The following RPL13 variants were observed in gnomAD, a reference collection of about 807,000 sequenced individuals.
The protein encoded by RPL13 is large ribosomal subunit protein eL13.
Under a neutral mutation model 21.4 loss-of-function variants are expected in RPL13, and 1 was observed. The observed-to-expected ratio is 0.05, with a 90% confidence interval of 0.02 to 0.22. The LOEUF (loss-of-function observed/expected upper bound fraction) is 0.22, where lower values mean the gene tolerates loss of function less well. Among genes scored for constraint, RPL13 ranks in the 10% least tolerant of loss-of-function variants. RPL13 has a pLI of 1.00. For missense variants in RPL13, 289 were observed against 303.0 expected (o/e 0.95, Z 0.34); for synonymous variants, 143 against 120.5 (o/e 1.19, Z -1.23).
At chr16:89,561,477 C>T in intron 3 of RPL13, 101 bp from the exon 4 acceptor site, 1 of 1,612,016 alleles carries the variant, frequency 6.2e-7, no homozygotes, top group South Asian at 1.1e-5. Context: ...GATGAAAGCA[C>T]ATTTGAACCC....
At chr16:89,562,048 C>A in intron 4 of RPL13, 1 of 587,652 alleles carries the variant, frequency 1.7e-6, no homozygotes, top group Non-Finnish European at 3.0e-6. Context: ...GATAAAGAGT[C>A]CATTGTATAC....
In RPL13 at chr16:89,561,769, TG is replaced by T; in HGVS notation, c.420+20del. On this transcript the variant is annotated intron_variant, in intron 4 of 5. Transcript: ENST00000311528. ...ACAGTTCTGTGAGTACACGGCTCTCTGGCCGTCCTGGTGCGCGGGGACAGTG... is the reference window on the plus strand; with the variant it reads ...ACAGTTCTGTGAGTACACGGCTCTCTGCCGTCCTGGTGCGCGGGGACAGTG... 6.2e-7 allele frequency: 1 copy of T among 1,607,546 alleles called. No individual in the cohort carries two copies.
Position 89,562,925 on chromosome 16 carries a change from G to A in RPL13, c.519G>A (p.Glu173=), listed in dbSNP as rs769601333. The change falls in exon 6 of 6, where the codon GAG becomes GAA. Residue 173 remains glutamate, a synonymous_variant. Coordinates refer to ENST00000311528, the MANE Select transcript of RPL13 (RefSeq NM_000977.4). ...KEKARVITEE[E]KNFKAFASLR... ...AAGCTCGAGTCATCACTGAGGAAGAGAAGAATTTCAAAGCCTTCGCTAGTC... is the reference window on the plus strand; with the variant it reads ...AAGCTCGAGTCATCACTGAGGAAGAAAAGAATTTCAAAGCCTTCGCTAGTC... 36 of 1,594,366 alleles carry A rather than the reference G, an allele frequency of 2.3e-5. No individual in the cohort carries two copies. Among genetic ancestry groups the A allele is most frequent in the Non-Finnish European group, 2.9e-5 (34 of 1,172,394 alleles).
intron 4 of RPL13, 32 bp downstream of exon 4, chr16:89,561,783 C>T (rs1209434215): frequency 5.0e-6 from 8 of 1,601,982 alleles, no homozygotes; most frequent in South Asian, 3.3e-5. Context: ...CGTCCTGGTG[C>T]GCGGGGACAG....
Position 89,560,995 on chromosome 16 carries a change from C to G in RPL13, c.36C>G (p.Pro12=). 1 of 1,607,762 alleles carries G rather than the reference C, an allele frequency of 6.2e-7. No homozygotes were observed. Among genetic ancestry groups the G allele is most frequent in the Non-Finnish European group, 8.5e-7 (1 of 1,178,432 alleles). The change falls in exon 2 of 6, where the codon CCC becomes CCG. Residue 12 remains proline, a synonymous_variant. Coordinates refer to ENST00000311528, the MANE Select transcript of RPL13 (RefSeq NM_000977.4). ...GCCGGAATGGCATGGTCTTGAAGCC[C>G]CACTTCCACAAGGACTGGCAGCGGC... ...APSRNGMVLK[P]HFHKDWQRRV... is the part of the protein sequence containing the mutation.
downstream of RPL13, chr16:89,566,711 G>A (rs781739940): frequency 5.9e-5 from 9 of 152,074 alleles, no homozygotes; most frequent in Admixed American, 2.0e-4. Flanking sequence ...GACCCTGGAA[G>A]ACGAGTGTGC....
chr16:89,560,895 C>A, intron 1 of RPL13, 45 bp from the exon 2 acceptor site: 1 of 1,442,642 alleles, frequency 6.9e-7, no homozygotes, highest in Non-Finnish European at 9.4e-7. Context: ...GGGGGGTGCG[C>A]GCGCCCGGGG....
Position 89,563,999 on chromosome 16 carries a change from T to C in RPL13, c.*957T>C, listed in dbSNP as rs912426416. ...AGTGCCAGGGTGCCCTGGTCTGAGC[T>C]GGCATCCCCATGTCTTCTGTGTCCG... is the stretch of plus-strand genomic sequence containing the variant. On this transcript the variant is annotated 3_prime_UTR_variant, in exon 6 of 6. Transcript: ENST00000311528. The C allele has an allele frequency of 6.6e-6, 1 of 152,234 alleles. No homozygotes were observed. Among genetic ancestry groups the C allele is most frequent in the Admixed American group, 6.5e-5 (1 of 15,284 alleles). The allele number at this position is 152,234 out of a possible 1,614,324, so 9.4% of individuals were successfully genotyped here.
At position 89,561,031 on chromosome 16, in the gene RPL13, G is replaced by A; in HGVS notation, c.72G>A (p.Thr24=). 3.1e-6 allele frequency: 5 copies of A among 1,606,828 alleles called. No individual in the cohort carries two copies. Among genetic ancestry groups the A allele is most frequent in the South Asian group, 1.1e-5 (1 of 90,258 alleles). The change falls in exon 2 of 6, where the codon ACG becomes ACA. Residue 24 remains threonine (T), a synonymous_variant. Transcript: ENST00000311528. The part of the protein sequence containing the change: ...FHKDWQRRVA[T]WFNQPARKIR... ...AGGACTGGCAGCGGCGCGTGGCCAC[G>A]TGGTTCAACCAGCCGGCCCGTAAGA...
At position 89,562,548 on chromosome 16, in the gene RPL13, T is replaced by C; in HGVS notation, c.477+157T>C. 3 of 671,856 alleles carry C rather than the reference T, an allele frequency of 4.5e-6. No individual in the cohort carries two copies. The South Asian group carries it at 6.4e-5, about 14-fold the overall frequency. 41.6% of individuals were successfully genotyped at this position (671,856 alleles called of 1,614,324 possible). ...GGAAAGGAACATTTCTTCTTAGTTT[T>C]TACTTCTTGCAACCATGAAGCCATA... On this transcript the variant is annotated intron_variant, in intron 5 of 5. Coordinates refer to ENST00000311528, the MANE Select transcript of RPL13 (RefSeq NM_000977.4).
At chr16:89,560,888 G>T in intron 1 of RPL13, 52 bp from the exon 2 acceptor site, 6 of 1,385,380 alleles carry the variant, frequency 4.3e-6, no homozygotes, top group South Asian at 1.3e-5. Flanking sequence ...AGGCCCGGGG[G>T]GGTGCGCGCG....
intron 4 of RPL13, chr16:89,562,123 CTGTCTCG>C (rs1215528298): frequency 1.6e-6 from 1 of 612,518 alleles, no homozygotes; most frequent in Non-Finnish European, 2.9e-6. Context: ...AGGTAGATAA[CTGTCTCG>C]TGCGTGTTGC....
At chr16:89,561,541 C>T (rs376241207) in intron 3 of RPL13, 37 bp from the exon 4 acceptor site, 3 of 1,613,056 alleles carry the variant, frequency 1.9e-6, no homozygotes, top group East Asian at 4.5e-5. Flanking sequence ...TGGAGAAAGC[C>T]CGGGCCTGTC....
At chr16:89,560,841 C>G (rs957905492) in intron 1 of RPL13, 99 bp from the exon 2 acceptor site, 12 of 745,138 alleles carry the variant, frequency 1.6e-5, no homozygotes, top group Non-Finnish European at 2.5e-5. Context: ...GGGCTCTAGG[C>G]GCGGCCGGAC....
At chr16:89,560,876 G>A (rs927637022) in intron 1 of RPL13, 64 bp from the exon 2 acceptor site, 14 of 1,247,312 alleles carry the variant, frequency 1.1e-5, no homozygotes, top group African/African-American at 3.1e-5. Context: ...GGTTCGGGGC[G>A]GAGGCCCGGG....
downstream of RPL13, chr16:89,566,335 A>ATCGGGGATATTCCCAGCAGGCGCTAG (rs1247416944): frequency 6.6e-6 from 1 of 152,192 alleles, no homozygotes; most frequent in African/African-American, 2.4e-5. Context: ...TGCCTCGGTG[A>ATCGGGGATATTCCCAGCAGGCGCTAG]TGCACCGTTT....
At chr16:89,562,044 G>A (rs1476114193) in intron 4 of RPL13, 2 of 588,940 alleles carry the variant, frequency 3.4e-6, no homozygotes, top group Non-Finnish European at 6.0e-6. Context: ...GGTTGATAAA[G>A]AGTCCATTGT....
At chr16:89,561,159 A>C (rs377049048) in intron 2 of RPL13, 68 bp from the exon 3 acceptor site, 4 of 1,515,784 alleles carry the variant, frequency 2.6e-6, no homozygotes, top group Admixed American at 2.1e-5. Context: ...CGCTGTCTGC[A>C]ACCGTCGCGG....
rs1291304334 is a variant in RPL13, at chr16:89,564,371, T to C, written c.*1329T>C. 1 of 152,256 alleles carries C rather than the reference T, an allele frequency of 6.6e-6. No homozygotes were observed. The highest frequency in any genetic ancestry group is 1.5e-5 in the Non-Finnish European group (1 of 68,048). The allele number at this position is 152,256 out of a possible 1,614,324, so 9.4% of individuals were successfully genotyped here. On this transcript the variant is annotated 3_prime_UTR_variant, in exon 6 of 6. Transcript: ENST00000311528. ...CAGTTTCCTGTCTGAGGTGTATATG[T>C]TAACTTCGTGATCAGTTTGTATGTT...
Sources: gnomAD v4.1 joint callset for allele counts on GRCh38, gnomAD v4.1.1 for gene constraint, MANE v1.5 for transcripts, NCBI Gene and HGNC (gene_info 2026-07-23, HGNC 2026-07-21) for gene names.